Variants in COPS2 observed in about 807,000 individuals in gnomAD.
COPS2 encodes the protein COP9 signalosome complex subunit 2.
Under a neutral mutation model 66.1 loss-of-function variants are expected in COPS2, and 10 were observed. That is an observed-to-expected ratio of 0.15 (90% CI 0.09 to 0.26). The LOEUF is 0.26. COPS2 is among the 10% of genes least tolerant of loss of function. COPS2 has a pLI of 1.00. For synonymous variants in COPS2, 179 were observed against 171.3 expected (o/e 1.04, Z -0.35); for missense variants, 215 against 513.3 (o/e 0.42, Z 5.62).
chr15:49,145,642 T>C (rs943648686), intron 1 of COPS2, among the ~76,000 whole-genome samples: 1 of 152,108 alleles, frequency 6.6e-6, no homozygotes, highest in Non-Finnish European at 1.5e-5. Flanking sequence ...TATACTAATG[T>C]TAACTTAATC....
chr15:49,147,250 C>T (rs965395688), intron 1 of COPS2, among the ~76,000 whole-genome samples: 3 of 152,102 alleles, frequency 2.0e-5, no homozygotes, highest in African/African-American at 7.2e-5. Context: ...GAATAGCTTG[C>T]TGAACCAGAA....
At chr15:49,155,218 G>A (rs1316677133) in intron 1 of COPS2, among the ~76,000 whole-genome samples, 1 of 152,258 alleles carries the variant, frequency 6.6e-6, no homozygotes, top group Non-Finnish European at 1.5e-5. Flanking sequence ...GCGCGGTGGG[G>A]AGGCAGAAGA....
intron 1 of COPS2, among the ~76,000 whole-genome samples, chr15:49,151,649 T>C (rs962130627): frequency 2.0e-5 from 3 of 152,056 alleles, no homozygotes; most frequent in Admixed American, 6.5e-5. Context: ...TATAAACCTG[T>C]AAAATTAGCA....
rs979305745 is a variant in COPS2 at position 49,126,970 on chromosome 15, G to T, written c.*980C>A. On this transcript the variant is annotated 3_prime_UTR_variant, in exon 13 of 13. Coordinates refer to ENST00000388901, the MANE Select transcript of COPS2 (RefSeq NM_004236.4). ...AGGTTTTGGGCAATGGTAGATTGCT[G>T]GCATTAGGAAATAACCTTCCAGCAT... 2 of 152,046 alleles carry T rather than the reference G, an allele frequency of 1.3e-5. No homozygotes were observed. Among genetic ancestry groups the T allele is most frequent in the East Asian group, 3.9e-4 (2 of 5,190 alleles). 9.4% of individuals were successfully genotyped at this position (152,046 alleles called of 1,614,324 possible).
chr15:49,128,533 C>T (rs534385103), intron 12 of COPS2, among the ~76,000 whole-genome samples, 169 bp downstream of exon 12: 16 of 152,294 alleles, frequency 1.1e-4, no homozygotes, highest in East Asian at 7.7e-4. Flanking sequence ...GTGTTTAATA[C>T]GCTCATTCAT....
Position 49,151,805 on chromosome 15 carries a change from CT to C in COPS2, c.54+3719del, listed in dbSNP as rs1279298178. On this transcript the variant is annotated intron_variant, in intron 1 of 12. Transcript: ENST00000388901. ...TGTTGAATTTCTTTTATATTCGTTT[CT>C]TTTTTTTTTTTTTTAAATAACAAGT... 9.5e-3 allele frequency among the ~76,000 whole-genome samples: 1,257 copies of C among 132,346 alleles called. 13 individuals are homozygous for C. Among genetic ancestry groups the C allele is most frequent in the African/African-American group, 0.021 (761 of 36,166 alleles). The allele number at this position is 132,346 out of a possible 152,430, so 86.8% of individuals were successfully genotyped here. A position where few individuals can be genotyped will look rare whatever the true frequency, so the allele number is the denominator to read the frequency against.
chr15:49,140,646 A>G (rs1289768400), intron 3 of COPS2, among the ~76,000 whole-genome samples: 3 of 152,196 alleles, frequency 2.0e-5, no homozygotes, highest in East Asian at 3.9e-4. Flanking sequence ...ACCATTCCTA[A>G]GTATATCCTG....
At chr15:49,145,420 G>C (rs554455064) in intron 1 of COPS2, among the ~76,000 whole-genome samples, 1 of 152,148 alleles carries the variant, frequency 6.6e-6, no homozygotes, top group Non-Finnish European at 1.5e-5. Context: ...CGTTAGTCAT[G>C]AAATCTGAGG....
chr15:49,137,141 G>T lies in COPS2; in HGVS notation c.540+9C>A. 1 of 1,547,918 alleles carries T rather than the reference G, an allele frequency of 6.5e-7. No individual in the cohort carries two copies. The highest frequency in any genetic ancestry group is 8.7e-7 in the Non-Finnish European group (1 of 1,146,182). ...AAGAAATATTCAGAAAAAAATAAGG[G>T]AAAGCTACCTGGCACGACTGATGTA... On this transcript the variant is annotated intron_variant, in intron 6 of 12. Coordinates refer to ENST00000388901, the MANE Select transcript of COPS2 (RefSeq NM_004236.4).
intron 3 of COPS2, among the ~76,000 whole-genome samples, chr15:49,142,713 G>A (rs773541996): frequency 2.6e-5 from 4 of 151,902 alleles, no homozygotes; most frequent in Non-Finnish European, 5.9e-5. Flanking sequence ...TTTTCCCTCC[G>A]CTTCTACCCT....
chr15:49,135,064 T>C (rs1440829949), intron 6 of COPS2, among the ~76,000 whole-genome samples: 1 of 152,154 alleles, frequency 6.6e-6, no homozygotes, highest in Non-Finnish European at 1.5e-5. Context: ...ACATTAACAA[T>C]AACTGATCAT....
chr15:49,147,857 A>G (rs189827867), intron 1 of COPS2, among the ~76,000 whole-genome samples: 24 of 152,216 alleles, frequency 1.6e-4, no homozygotes, highest in Admixed American at 6.5e-4. Flanking sequence ...ATGTTTTTGC[A>G]TAACTGCAAT....
At chr15:49,137,010 T>A in intron 6 of COPS2, 140 bp downstream of exon 6, 1 of 636,012 alleles carries the variant, frequency 1.6e-6, no homozygotes, top group Non-Finnish European at 2.6e-6. Context: ...AAAAGATAAT[T>A]TTATAACTTA....
chr15:49,137,080 G>T, intron 6 of COPS2, 70 bp downstream of exon 6: 2 of 911,706 alleles, frequency 2.2e-6, no homozygotes, highest in Non-Finnish European at 3.3e-6. Context: ...ACAATATTTT[G>T]AATATAATTA....
In COPS2 at chr15:49,126,189, C is replaced by T. The variant is rs1289586640; in HGVS notation, c.*1761G>A. 1 of 152,410 alleles carries T rather than the reference C, an allele frequency of 6.6e-6. No individual in the cohort carries two copies. The highest frequency in any genetic ancestry group is 6.6e-5 in the Admixed American group (1 of 15,256). 9.4% of individuals were successfully genotyped at this position (152,410 alleles called of 1,614,324 possible). A position where few individuals can be genotyped will look rare whatever the true frequency, so the allele number is the denominator to read the frequency against. On this transcript the variant is annotated 3_prime_UTR_variant, in exon 13 of 13. Coordinates refer to ENST00000388901, the MANE Select transcript of COPS2 (RefSeq NM_004236.4). ...GAAAATACACATAATTTTATAATAT[C>T]TTAAACTTTTATTCCCTACCATAGA...
rs548133158 is a variant in COPS2, at chr15:49,146,658, C to T, written c.55-1580G>A. On this transcript the variant is annotated intron_variant, in intron 1 of 12. Transcript: ENST00000388901. ...AATAAATCTCAAATCTATCCACTCC[C>T]GAACCCCCTGCCTGCTACCACCCTA... 3.9e-5 allele frequency among the ~76,000 whole-genome samples: 6 copies of T among 152,196 alleles called. No individual in the cohort carries two copies. In the South Asian group the frequency reaches 8.3e-4, roughly 21 times the overall value.
At position 49,138,228 on chromosome 15, in the gene COPS2, C is replaced by T. The variant is rs186296271; in HGVS notation, c.373-791G>A. Among the ~76,000 whole-genome samples the T allele has an allele frequency of 2.9e-4, 44 of 152,266 alleles. 3 individuals carry two copies. Among genetic ancestry groups the T allele is most frequent in the Admixed American group, 5.9e-4 (9 of 15,296 alleles). On this transcript the variant is annotated intron_variant, in intron 4 of 12. Coordinates refer to ENST00000388901, the MANE Select transcript of COPS2 (RefSeq NM_004236.4). ...GTTCCCCTGCCCACCCTCTTCCCCC[C>T]GCTTCTGGCTTTGCCTTTGTTTGAA...
chr15:49,141,159 C>A (rs527238900), intron 3 of COPS2, among the ~76,000 whole-genome samples: 12 of 152,236 alleles, frequency 7.9e-5, no homozygotes, highest in African/African-American at 2.9e-4. Flanking sequence ...ATACGACTAT[C>A]CTAACTTTGA....
intron 1 of COPS2, among the ~76,000 whole-genome samples, chr15:49,148,435 C>T (rs576246817): frequency 3.3e-5 from 5 of 152,204 alleles, no homozygotes; most frequent in Admixed American, 6.5e-5. Flanking sequence ...GAATAGGAAT[C>T]GCCAGCAATG....
Sources: gnomAD v4.1 joint callset for allele counts (sites outside exome capture counted in the v4.1 genomes callset) on GRCh38, gnomAD v4.1.1 for gene constraint, MANE v1.5 for transcripts, NCBI Gene and HGNC (gene_info 2026-07-23, HGNC 2026-07-21) for gene names.